Variants in TBC1D28 observed in about 807,000 individuals in gnomAD.
TBC1D28 encodes TBC1 domain family, member 28.
TBC1D28 carries 20 observed loss-of-function variants against 29.2 expected under a neutral mutation model. The ratio of observed to expected loss-of-function variants is 0.68; its 90% CI spans 0.48 to 0.99. The LOEUF (loss-of-function observed/expected upper bound fraction) is 0.99. Among genes scored for constraint, TBC1D28 ranks in the 50% least tolerant of loss-of-function variants. TBC1D28 has a pLI of 0.00. For synonymous variants in TBC1D28, 65 were observed against 90.9 expected (o/e 0.71, Z 1.62); for missense variants, 205 against 243.7 (o/e 0.84, Z 1.06).
chr17:18,638,310 T>G lies in TBC1D28; in HGVS notation c.387+3A>C. 1 of 1,614,142 alleles carries G rather than the reference T, an allele frequency of 6.2e-7. No homozygotes were observed. Among genetic ancestry groups the G allele is most frequent in the African/African-American group, 1.3e-5 (1 of 75,044 alleles). ...GCCCTAGCTGAGTGTGGGAGGGACTTACCTTATATTTGCCTGGGTTCTGGG... is the reference window on the plus strand; with the variant it reads ...GCCCTAGCTGAGTGTGGGAGGGACTGACCTTATATTTGCCTGGGTTCTGGG... On this transcript the variant is annotated splice_donor_region_variant and intron_variant, in intron 7 of 8. Coordinates refer to ENST00000345096, the Ensembl canonical transcript of TBC1D28.
chr17:18,641,371 C>T lies in TBC1D28; in HGVS notation c.-1-18G>A, dbSNP rs1193446242. 28 of 1,612,828 alleles carry T rather than the reference C, an allele frequency of 1.7e-5. No homozygotes were observed. The highest frequency in any genetic ancestry group is 2.7e-5 in the African/African-American group (2 of 74,882). ...TCTCCATCCTGCAAGACAAAGTCATCCCAAGGCTCTCCCGCACCCAAGAGC... is the reference window on the plus strand; with the variant it reads ...TCTCCATCCTGCAAGACAAAGTCATTCCAAGGCTCTCCCGCACCCAAGAGC... On this transcript the variant is annotated intron_variant, in intron 2 of 8. Transcript: ENST00000345096.
At position 18,637,175 on chromosome 17, in the gene TBC1D28, G is replaced by A. The variant is rs569094950; in HGVS notation, c.498-578C>T. On this transcript the variant is annotated intron_variant, in intron 8 of 8. Coordinates refer to ENST00000345096, the Ensembl canonical transcript of TBC1D28. ...CCACCCATGTTCCTGCAGGCATTAG[G>A]GGTTCGTTCCTTTTCCTCACTGAGT... Among the ~76,000 whole-genome samples, 11 of 140,392 alleles carry A rather than the reference G, an allele frequency of 7.8e-5. No homozygotes were observed. In the East Asian group the frequency reaches 2.1e-3, roughly 27 times the overall value. 92.1% of individuals were successfully genotyped at this position (140,392 alleles called of 152,430 possible). A position where few individuals can be genotyped will look rare whatever the true frequency, so the allele number is the denominator to read the frequency against.
chr17:18,634,874 C>A (rs1056060202), downstream of TBC1D28: 28 of 171,362 alleles, frequency 1.6e-4, no homozygotes, highest in Non-Finnish European at 2.8e-4. Flanking sequence ...GCCGCCTCAG[C>A]CCCTCAGCCC....
downstream of TBC1D28, among the ~76,000 whole-genome samples, chr17:18,634,704 A>C (rs1283489488): frequency 2.6e-5 from 4 of 152,286 alleles, no homozygotes; most frequent in East Asian, 7.7e-4. Flanking sequence ...TCACAGTAAG[A>C]AAACAGCCCA....
At chr17:18,642,522 C>T (rs1193664524), upstream of TBC1D28, 5 of 152,086 alleles carry the variant, frequency 3.3e-5, no homozygotes, top group Non-Finnish European at 7.4e-5. Context: ...GGGCTGAGTG[C>T]ACGGCCCGGG....
chr17:18,638,188 G>T lies in TBC1D28; in HGVS notation c.387+125C>A, dbSNP rs1372781357. 10 of 1,301,486 alleles carry T rather than the reference G, an allele frequency of 7.7e-6. No homozygotes were observed. In the Admixed American group the frequency reaches 1.8e-4, roughly 24 times the overall value. 80.6% of individuals were successfully genotyped at this position (1,301,486 alleles called of 1,614,324 possible). The stretch of plus-strand genomic sequence containing the variant: ...TGCCTGAGTTACCATCTATGCCCAG[G>T]ATGTGCATCTGACCACAGCCCCCAC... On this transcript the variant is annotated intron_variant, in intron 7 of 8. Transcript: ENST00000345096.
At chr17:18,634,804 A>G (rs1388863380), downstream of TBC1D28, among the ~76,000 whole-genome samples, 7 of 150,516 alleles carry the variant, frequency 4.7e-5, no homozygotes, top group African/African-American at 9.8e-5. Flanking sequence ...TCAGCCCCTC[A>G]GCCCCTCAGC....
chr17:18,640,637 C>A (rs2031719439), intron 4 of TBC1D28, among the ~76,000 whole-genome samples: 3 of 137,340 alleles, frequency 2.2e-5, no homozygotes, highest in South Asian at 5.0e-4. Context: ...TACAACTGCC[C>A]AGAGGCCAGG....
chr17:18,640,148 G>A (rs1374258389), intron 4 of TBC1D28, among the ~76,000 whole-genome samples: 1 of 152,210 alleles, frequency 6.6e-6, no homozygotes, highest in Non-Finnish European at 1.5e-5. Flanking sequence ...ACCCTGCGCA[G>A]TGCTGACTGA....
upstream of TBC1D28, among the ~76,000 whole-genome samples, chr17:18,643,367 A>T (rs2031854814): frequency 6.7e-6 from 1 of 150,222 alleles, no homozygotes; most frequent in Non-Finnish European, 1.5e-5. Flanking sequence ...GGACGGAGGC[A>T]AGGAGGCTCT....
upstream of TBC1D28, chr17:18,642,557 C>T (rs951524395): frequency 8.0e-4 from 122 of 152,224 alleles, no homozygotes; most frequent in African/African-American, 2.9e-3. Flanking sequence ...CTGGGCCAGT[C>T]ACCGCCTCTC....
Position 18,638,878 on chromosome 17 carries a change from G to T in TBC1D28, c.199-177C>A, listed in dbSNP as rs1384722139. The stretch of plus-strand genomic sequence containing the variant: ...ACTGGAGCTGGTAGTCTGGACTGGT[G>T]ATGCCAGGACATGCCATCCTCAGGC... On this transcript the variant is annotated intron_variant, in intron 5 of 8. Coordinates refer to ENST00000345096, the Ensembl canonical transcript of TBC1D28. 16 of 879,942 alleles carry T rather than the reference G, an allele frequency of 1.8e-5. No homozygotes were observed. In the South Asian group the frequency reaches 2.2e-4, roughly 12 times the overall value. The allele number at this position is 879,942 out of a possible 1,614,324, so 54.5% of individuals were successfully genotyped here. A position where few individuals can be genotyped will look rare whatever the true frequency, so the allele number is the denominator to read the frequency against.
In TBC1D28 at chr17:18,638,370, C is replaced by T. The variant is rs767083164; in HGVS notation, c.330G>A (p.Ala110=). 91 of 1,614,112 alleles carry T rather than the reference C, an allele frequency of 5.6e-5. 1 individual carries two copies. The highest frequency in any genetic ancestry group is 1.8e-4 in the South Asian group (16 of 91,084). The stretch of plus-strand genomic sequence containing the variant: ...TGTCAATATCTAGCAAAAGTGACAA[C>T]GCCCGGCCCCGCACCGCCAGGGGAA... Residue 110 remains alanine (A), a synonymous_variant, in exon 7 of 9, where the codon GCG becomes GCA. Transcript: ENST00000345096.
rs368534008 is a variant in TBC1D28 at position 18,635,696 on chromosome 17, C to T, written c.*766G>A. The T allele has an allele frequency of 1.5e-3, 1,517 of 1,025,588 alleles. 6 individuals are homozygous for T. In the African/African-American group the frequency reaches 0.024, roughly 16 times the overall value. 63.5% of individuals were successfully genotyped at this position (1,025,588 alleles called of 1,614,324 possible). On this transcript the variant is annotated 3_prime_UTR_variant, in exon 9 of 9. Coordinates refer to ENST00000345096, the Ensembl canonical transcript of TBC1D28. ...CACCAGATCGCCTTCCTTTCCGAGG[C>T]CACAAAGGCGAGAACCTCCAGAAAT...
At chr17:18,638,891 G>A in intron 5 of TBC1D28, 190 bp from the exon 7 acceptor site, 1 of 831,908 alleles carries the variant, frequency 1.2e-6, no homozygotes, top group South Asian at 1.8e-5. Context: ...GCCAGGACAT[G>A]CCATCCTCAG....
At chr17:18,638,052 A>G (rs147050101) in intron 7 of TBC1D28, 79 bp from the exon 9 acceptor site, 62,478 of 1,543,104 alleles carry the variant, frequency 0.04, 1,586 homozygotes, top group Non-Finnish European at 0.049. Flanking sequence ...GTCATCCCAC[A>G]GTCAGCACTT....
intron 7 of TBC1D28, 49 bp downstream of exon 8, chr17:18,638,264 A>G (rs1164542602): frequency 6.3e-7 from 1 of 1,598,592 alleles, no homozygotes; most frequent in Admixed American, 1.7e-5. Context: ...GGATCCTGAT[A>G]CAGTCTAGCT....
intron 1 of TBC1D28, 24 bp downstream of exon 2, chr17:18,641,804 C>T (rs1375026588): frequency 1.1e-5 from 2 of 190,062 alleles, no homozygotes; most frequent in African/African-American, 4.7e-5. Context: ...GTGACTGCTC[C>T]GTTCTACCCC....
intron 2 of TBC1D28, 104 bp from the exon 4 acceptor site, chr17:18,641,457 C>G: frequency 1.9e-6 from 2 of 1,036,086 alleles, no homozygotes; most frequent in Non-Finnish European, 2.9e-6. Flanking sequence ...CTGGTGAGCC[C>G]CATTCCACTA....
Sources: gnomAD v4.1 joint callset for allele counts (sites outside exome capture counted in the v4.1 genomes callset) on GRCh38, gnomAD v4.1.1 for gene constraint, MANE v1.5 for transcripts, NCBI Gene and HGNC (gene_info 2026-07-23, HGNC 2026-07-21) for gene names.